PTPRM: variants seen among roughly 807,000 people sequenced by gnomAD.
The protein encoded by PTPRM is protein tyrosine phosphatase receptor type M.
In PTPRM, 47 loss-of-function variants were observed where a neutral mutation model predicts 186.7. The observed-to-expected ratio is 0.25, with a 90% CI of 0.20 to 0.32. The LOEUF (loss-of-function observed/expected upper bound fraction) is 0.32. Among genes scored for constraint, PTPRM ranks in the 10% least tolerant of loss-of-function variants. PTPRM has a pLI of 1.00. For missense variants in PTPRM, 1,494 were observed against 1,865.0 expected (o/e 0.80, Z 3.66); for synonymous variants, 668 against 674.9 (o/e 0.99, Z 0.16).
At chr18:8,143,130 ACT>A (rs2092802559) in intron 13 of PTPRM, among the ~76,000 whole-genome samples, 1 of 151,856 alleles carries the variant, frequency 6.6e-6, no homozygotes, top group Admixed American at 6.6e-5. Context: ...GGGGGAAAAA[ACT>A]CTATTGTGTT....
At chr18:7,569,974 G>A (rs931238880) in intron 1 of PTPRM, among the ~76,000 whole-genome samples, 1 of 152,176 alleles carries the variant, frequency 6.6e-6, no homozygotes, top group African/African-American at 2.4e-5. Flanking sequence ...ATGTAAAATT[G>A]GATTAGCTGG....
intron 1 of PTPRM, among the ~76,000 whole-genome samples, chr18:7,677,722 G>A (rs796392107): frequency 1.7e-4 from 26 of 152,162 alleles, no homozygotes; most frequent in African/African-American, 6.0e-4. Flanking sequence ...GCCCGTTCCT[G>A]CTATTTCTCC....
intron 14 of PTPRM, among the ~76,000 whole-genome samples, chr18:8,198,192 G>C (rs2093805584): frequency 6.6e-6 from 1 of 152,102 alleles, no homozygotes. Context: ...CATCATCCTG[G>C]CTGGAGTGTT....
intron 14 of PTPRM, among the ~76,000 whole-genome samples, chr18:8,216,348 T>C (rs567788203): frequency 2.6e-5 from 4 of 152,300 alleles, no homozygotes; most frequent in African/African-American, 9.6e-5. Flanking sequence ...TTGAAAGGGA[T>C]CATGGCATCC....
intron 1 of PTPRM, among the ~76,000 whole-genome samples, chr18:7,652,987 G>A (rs978732403): frequency 2.6e-5 from 4 of 151,774 alleles, no homozygotes; most frequent in African/African-American, 9.7e-5. Context: ...AAATAACCCA[G>A]TTAAAAAATA....
At chr18:8,208,918 A>C (rs2093965287) in intron 14 of PTPRM, among the ~76,000 whole-genome samples, 1 of 152,194 alleles carries the variant, frequency 6.6e-6, no homozygotes, top group South Asian at 2.1e-4. Flanking sequence ...CATGCAGGAG[A>C]GCATAAGCAT....
intron 21 of PTPRM, among the ~76,000 whole-genome samples, chr18:8,315,230 T>C (rs1464421437): frequency 1.3e-5 from 2 of 152,228 alleles, no homozygotes; most frequent in African/African-American, 2.4e-5. Flanking sequence ...TGTCAACAAC[T>C]CATATTATTC....
At chr18:8,088,618 G>A (rs1220968654) in intron 10 of PTPRM, 131 bp from the exon 11 acceptor site, 13 of 699,776 alleles carry the variant, frequency 1.9e-5, no homozygotes, top group Non-Finnish European at 3.3e-5. Flanking sequence ...AAGCTTGCTC[G>A]TGGTTGTTGA....
intron 5 of PTPRM, among the ~76,000 whole-genome samples, chr18:7,927,282 T>A (rs2051228757): frequency 6.6e-6 from 1 of 151,962 alleles, no homozygotes; most frequent in African/African-American, 2.4e-5. Flanking sequence ...TGAGTGGGAG[T>A]AAATTGCCTG....
intron 1 of PTPRM, among the ~76,000 whole-genome samples, chr18:7,672,015 A>G (rs1277720147): frequency 6.6e-6 from 1 of 152,202 alleles, no homozygotes; most frequent in Non-Finnish European, 1.5e-5. Flanking sequence ...GAGTTTATTT[A>G]GGATTCAGTT....
intron 7 of PTPRM, among the ~76,000 whole-genome samples, chr18:8,054,298 A>ACATATATAT (rs1555710874): frequency 7.6e-6 from 1 of 131,706 alleles, no homozygotes; most frequent in South Asian, 2.3e-4. Context: ...TAGTAGTAGT[A>ACATATATAT]ATATATATAT....
intron 7 of PTPRM, among the ~76,000 whole-genome samples, chr18:8,021,357 C>CAT (rs1324764848): frequency 2.3e-5 from 3 of 128,992 alleles, no homozygotes; most frequent in Admixed American, 1.5e-4. Context: ...CACACACACA[C>CAT]ACATATAAAT....
At chr18:8,265,274 C>G (rs1395211505) in intron 19 of PTPRM, among the ~76,000 whole-genome samples, 2 of 152,220 alleles carry the variant, frequency 1.3e-5, no homozygotes, top group East Asian at 3.9e-4. Context: ...CTCCTCCCTG[C>G]TCTAGTTTCT....
intron 2 of PTPRM, among the ~76,000 whole-genome samples, chr18:7,807,773 T>C (rs2044306244): frequency 6.6e-6 from 1 of 152,332 alleles, no homozygotes; most frequent in Non-Finnish European, 1.5e-5. Flanking sequence ...CTGACGTTTA[T>C]GTGGTTGAAG....
chr18:7,927,585 G>A (rs773709020), intron 5 of PTPRM, among the ~76,000 whole-genome samples: 8 of 151,772 alleles, frequency 5.3e-5, no homozygotes, highest in African/African-American at 1.7e-4. Context: ...ACTGGCTTCC[G>A]CTCCATCATG....
intron 3 of PTPRM, among the ~76,000 whole-genome samples, chr18:7,896,019 C>A (rs550736835): frequency 2.0e-5 from 3 of 152,118 alleles, no homozygotes; most frequent in Non-Finnish European, 4.4e-5. Flanking sequence ...TACAGCTAAT[C>A]GCAGGTTAAT....
chr18:8,325,160 T>G (rs2095368092), intron 22 of PTPRM, among the ~76,000 whole-genome samples: 1 of 152,322 alleles, frequency 6.6e-6, no homozygotes, highest in Middle Eastern at 3.4e-3. Flanking sequence ...AGGGAGCTAT[T>G]TATTTATTTT....
intron 2 of PTPRM, among the ~76,000 whole-genome samples, chr18:7,886,376 T>G (rs1393864063): frequency 6.6e-6 from 1 of 152,230 alleles, no homozygotes; most frequent in Non-Finnish European, 1.5e-5. Flanking sequence ...TGCCCCTCTT[T>G]CTTAAATGAC....
intron 1 of PTPRM, among the ~76,000 whole-genome samples, chr18:7,678,631 G>A (rs966748659): frequency 6.6e-6 from 1 of 152,070 alleles, no homozygotes; most frequent in African/African-American, 2.4e-5. Context: ...TACATATGAA[G>A]TCCACCCCTG....
Sources: allele counts gnomAD v4.1 joint callset (sites outside exome capture counted in the v4.1 genomes callset), GRCh38; gene constraint gnomAD v4.1.1; transcripts MANE v1.5; gene names NCBI Gene and HGNC (gene_info 2026-07-23, HGNC 2026-07-21).